MBD5: variants seen among roughly 807,000 people sequenced by gnomAD.
MBD5 encodes methyl-CpG-binding domain protein 5.
A neutral mutation model predicts 117.3 loss-of-function variants in MBD5; 13 were observed. The ratio of observed to expected loss-of-function variants is 0.11; its 90% CI spans 0.07 to 0.18. MBD5 has a LOEUF of 0.18. Among genes scored for constraint, MBD5 ranks in the 10% least tolerant of loss-of-function variants. The pLI is 1.00. For missense variants in MBD5, 1,879 were observed against 2,093.8 expected (o/e 0.90, Z 2.00); for synonymous variants, 727 against 766.4 (o/e 0.95, Z 0.85).
intron 13 of MBD5, among the ~76,000 whole-genome samples, chr2:148,510,564 T>G (rs1682186921): frequency 6.6e-6 from 1 of 152,252 alleles, no homozygotes; most frequent in Non-Finnish European, 1.5e-5. Context: ...TTTATTGAAC[T>G]GTGCATATAA....
chr2:148,268,459 T>A (rs2106331499), intron 3 of MBD5, among the ~76,000 whole-genome samples: 1 of 152,200 alleles, frequency 6.6e-6, no homozygotes, highest in East Asian at 1.9e-4. Context: ...TATTGTATAC[T>A]TATTTTTTAA....
At chr2:148,478,991 G>T (rs1410124388) in intron 8 of MBD5, among the ~76,000 whole-genome samples, 2 of 152,080 alleles carry the variant, frequency 1.3e-5, no homozygotes, top group African/African-American at 4.8e-5. Flanking sequence ...TTTCCCCACG[G>T]TTTAACAGAC....
chr2:148,066,517 C>G (rs1481454681), intron 1 of MBD5, among the ~76,000 whole-genome samples: 1 of 146,110 alleles, frequency 6.8e-6, no homozygotes, highest in African/African-American at 2.5e-5. Context: ...GACAGAGTCT[C>G]GCTGTGTCAC....
chr2:148,151,673 AGT>A (rs1190668090), intron 1 of MBD5, among the ~76,000 whole-genome samples: 1 of 151,750 alleles, frequency 6.6e-6, no homozygotes, highest in Non-Finnish European at 1.5e-5. Context: ...GTCTTGGGAG[AGT>A]GTATGTGTTG....
At chr2:148,303,850 A>T (rs1701829494) in intron 3 of MBD5, among the ~76,000 whole-genome samples, 1 of 152,196 alleles carries the variant, frequency 6.6e-6, no homozygotes, top group African/African-American at 2.4e-5. Flanking sequence ...GAAAATATTT[A>T]CTGGTATCAA....
chr2:148,050,423 T>C (rs749325075), intron 1 of MBD5, among the ~76,000 whole-genome samples: 1 of 152,180 alleles, frequency 6.6e-6, no homozygotes, highest in Non-Finnish European at 1.5e-5. Context: ...TTCATTATCT[T>C]TTTATTATTG....
At chr2:148,457,819 C>G (rs1319568394) in intron 4 of MBD5, among the ~76,000 whole-genome samples, 1 of 152,056 alleles carries the variant, frequency 6.6e-6, no homozygotes, top group Non-Finnish European at 1.5e-5. Flanking sequence ...ATATTAAGGA[C>G]TTATTAAAAT....
In MBD5 at chr2:148,147,705, G is replaced by A. The variant is rs189454577; in HGVS notation, c.-924-30995G>A. Among the ~76,000 whole-genome samples, 454 of 152,156 alleles carry A rather than the reference G, an allele frequency of 3.0e-3. 2 individuals are homozygous for A. The highest frequency in any genetic ancestry group is 7.3e-3 in the South Asian group (35 of 4,816). On this transcript the variant is annotated intron_variant, in intron 1 of 13. Coordinates refer to ENST00000642680, the MANE Select transcript of MBD5 (RefSeq NM_001378120.1). ...GTTGTGTGTGGCCACTAAAATTTCT[G>A]CTCTGTTACCTTTATGGTCAACTAA...
rs577110951 is a variant in MBD5, at chr2:148,188,220, C to A, written c.-831+9427C>A. On this transcript the variant is annotated intron_variant, in intron 2 of 13. Transcript: ENST00000642680. ...TCAAAATTTGAATGAATTCTAGTCC[C>A]AGACATTTCAGATATTGTGTCTTAA... Among the ~76,000 whole-genome samples the A allele has an allele frequency of 3.9e-5, 6 of 152,240 alleles. No individual in the cohort carries two copies. In the South Asian group the frequency reaches 1.2e-3, roughly 32 times the overall value.
At chr2:148,501,664 C>T (rs1482922873) in intron 11 of MBD5, among the ~76,000 whole-genome samples, 2 of 152,090 alleles carry the variant, frequency 1.3e-5, no homozygotes, top group African/African-American at 4.8e-5. Context: ...AGGTTGCACC[C>T]TCCACACACA....
At chr2:148,040,100 C>G (rs1694313372) in intron 1 of MBD5, among the ~76,000 whole-genome samples, 1 of 152,034 alleles carries the variant, frequency 6.6e-6, no homozygotes, top group Non-Finnish European at 1.5e-5. Flanking sequence ...TCTTGGGGGA[C>G]AAAATAATCT....
chr2:148,089,458 C>A (rs1359556018), intron 1 of MBD5, among the ~76,000 whole-genome samples: 1 of 152,034 alleles, frequency 6.6e-6, no homozygotes, highest in East Asian at 1.9e-4. Context: ...CAAAGTAAGT[C>A]TCAATAAATT....
Position 148,485,783 on chromosome 2 carries a change from C to G in MBD5, c.3586C>G (p.Leu1196Val), listed in dbSNP as rs765790042. ...AAACAATACTTTGAGTAACCATCAA[C>G]TGACTCATCTACAGTCGCTGTTAAA... Reference protein sequence around the residue: ...SINNTLSNHQLTHLQSLLNNN... With the variant: ...SINNTLSNHQVTHLQSLLNNN... The change falls in exon 10 of 14, where the codon CTG (leucine) becomes GTG (valine). Residue 1196 changes from leucine to valine, a missense_variant. Transcript: ENST00000642680. 5.3e-5 allele frequency: 86 copies of G among 1,613,818 alleles called. No homozygotes were observed. Among genetic ancestry groups the G allele is most frequent in the Non-Finnish European group, 6.7e-5 (79 of 1,179,880 alleles).
chr2:148,049,107 G>C (rs1449869090), intron 1 of MBD5, among the ~76,000 whole-genome samples: 3 of 152,144 alleles, frequency 2.0e-5, no homozygotes, highest in Non-Finnish European at 2.9e-5. Flanking sequence ...GTGGTTGCTG[G>C]GAGTTTCTGG....
chr2:148,137,660 G>A (rs1042700137), intron 1 of MBD5, among the ~76,000 whole-genome samples: 1 of 152,170 alleles, frequency 6.6e-6, no homozygotes, highest in South Asian at 2.1e-4. Flanking sequence ...TACCTCATAG[G>A]ATGTGATGGA....
At chr2:148,076,351 A>G (rs1239032990) in intron 1 of MBD5, among the ~76,000 whole-genome samples, 1 of 152,218 alleles carries the variant, frequency 6.6e-6, no homozygotes, top group Non-Finnish European at 1.5e-5. Context: ...GTAATGAGAA[A>G]TAACCACAAA....
intron 3 of MBD5, among the ~76,000 whole-genome samples, chr2:148,248,560 T>C (rs1213453635): frequency 1.3e-5 from 2 of 152,074 alleles, no homozygotes; most frequent in African/African-American, 4.8e-5. Flanking sequence ...CAAGGCATCA[T>C]GAATGAGTGT....
chr2:148,054,445 T>G lies in MBD5; in HGVS notation c.-925+32761T>G, dbSNP rs1477781282. On this transcript the variant is annotated intron_variant, in intron 1 of 13. Transcript: ENST00000642680. ...ACGCAGATATAGAACATTTCTTTTATCACAGTAAGTTCTTTGGATAACACT... is the reference window on the plus strand; with the variant it reads ...ACGCAGATATAGAACATTTCTTTTAGCACAGTAAGTTCTTTGGATAACACT... The G allele has an allele frequency of 2.6e-5, 4 of 152,350 alleles. No individual in the cohort carries two copies. In the East Asian group the frequency reaches 7.7e-4, roughly 29 times the overall value. The allele number at this position is 152,350 out of a possible 1,614,324, so 9.4% of individuals were successfully genotyped here.
intron 1 of MBD5, among the ~76,000 whole-genome samples, chr2:148,068,346 G>C (rs1338635306): frequency 6.6e-6 from 1 of 152,186 alleles, no homozygotes; most frequent in Admixed American, 6.5e-5. Flanking sequence ...AGGTGCTCAG[G>C]ATGGCCTATG....
Sources: allele counts gnomAD v4.1 joint callset (sites outside exome capture counted in the v4.1 genomes callset), GRCh38; gene constraint gnomAD v4.1.1; transcripts MANE v1.5; gene names NCBI Gene and HGNC (gene_info 2026-07-23, HGNC 2026-07-21).